The following MGAT4C variants were observed in gnomAD, a reference collection of about 807,000 sequenced individuals.
The protein encoded by MGAT4C is MGAT4 family member C.
In MGAT4C, 19 loss-of-function variants were observed where a neutral mutation model predicts 40.1. That is an observed-to-expected ratio of 0.47 (90% CI 0.33 to 0.70). The LOEUF (loss-of-function observed/expected upper bound fraction) is 0.70, where lower values mean the gene tolerates loss of function less well. Among genes scored for constraint, MGAT4C ranks in the 30% least tolerant of loss-of-function variants. MGAT4C has a pLI of 0.02. For synonymous variants in MGAT4C, 181 were observed against 187.1 expected (o/e 0.97, Z 0.27); for missense variants, 491 against 563.2 (o/e 0.87, Z 1.30).
chr12:86,539,908 A>AGTTCCAGTATTAGCCCTTTGTC (rs1293999860), intron 2 of MGAT4C, among the ~76,000 whole-genome samples: 11 of 152,234 alleles, frequency 7.2e-5, no homozygotes, highest in Non-Finnish European at 1.3e-4. Flanking sequence ...AGTTCTTTGT[A>AGTTCCAGTATTAGCCCTTTGTC]GTTCCAGTAT....
chr12:86,027,872 C>T (rs1012664193), intron 2 of MGAT4C, among the ~76,000 whole-genome samples: 5 of 151,722 alleles, frequency 3.3e-5, no homozygotes, highest in Non-Finnish European at 4.4e-5. Context: ...GATGATCCAT[C>T]ATTTCATTTT....
intron 2 of MGAT4C, among the ~76,000 whole-genome samples, chr12:86,451,002 T>C (rs1011222116): frequency 6.6e-6 from 1 of 152,162 alleles, no homozygotes; most frequent in Non-Finnish European, 1.5e-5. Context: ...GAGTCAGCTA[T>C]ATCAGTCTTA....
chr12:86,667,413 C>A (rs1964138537), intron 2 of MGAT4C, among the ~76,000 whole-genome samples: 1 of 152,030 alleles, frequency 6.6e-6, no homozygotes, highest in South Asian at 2.1e-4. Context: ...GAAATACAGA[C>A]CTAGATGGAA....
intron 1 of MGAT4C, among the ~76,000 whole-genome samples, chr12:86,150,494 A>G (rs1357595644): frequency 2.0e-5 from 3 of 152,198 alleles, no homozygotes; most frequent in African/African-American, 4.8e-5. Flanking sequence ...GTTTGCATAC[A>G]TGCTTTTTGC....
chr12:86,692,120 A>G (rs1950183559), intron 2 of MGAT4C, among the ~76,000 whole-genome samples: 1 of 152,162 alleles, frequency 6.6e-6, no homozygotes, highest in African/African-American at 2.4e-5. Flanking sequence ...AGAAAAGATT[A>G]TTAAAGGTAT....
At chr12:86,767,914 T>C (rs1251933168) in intron 1 of MGAT4C, among the ~76,000 whole-genome samples, 1 of 152,324 alleles carries the variant, frequency 6.6e-6, no homozygotes, top group East Asian at 1.9e-4. Context: ...AATATCATAT[T>C]GAATGGGCAA....
intron 2 of MGAT4C, among the ~76,000 whole-genome samples, chr12:86,590,144 A>G (rs1382802065): frequency 6.6e-6 from 1 of 151,892 alleles, no homozygotes; most frequent in Non-Finnish European, 1.5e-5. Flanking sequence ...GAATACATGC[A>G]TTTCACACCA....
rs80170634 is a variant in MGAT4C at position 85,982,720 on chromosome 12, G to A, written c.295+803C>T. Among the ~76,000 whole-genome samples the A allele has an allele frequency of 1.3e-3, 195 of 152,184 alleles. 5 individuals carry two copies. The East Asian group carries it at 0.028, about 22-fold the overall frequency. ...TGAATAGTTTCCTCCAAAAATTCAT[G>A]TCTACTTGGAACCTCAGAATGTAAT... On this transcript the variant is annotated intron_variant, in intron 4 of 4. Coordinates refer to ENST00000611864, the MANE Select transcript of MGAT4C (RefSeq NM_001351288.2).
chr12:86,211,979 C>A (rs1461115083), intron 1 of MGAT4C, among the ~76,000 whole-genome samples: 1 of 152,082 alleles, frequency 6.6e-6, no homozygotes, highest in Non-Finnish European at 1.5e-5. Context: ...ATTCCAGGTG[C>A]CTTTTTAGAG....
intron 2 of MGAT4C, among the ~76,000 whole-genome samples, chr12:86,697,370 A>G (rs1950277151): frequency 6.6e-6 from 1 of 152,032 alleles, no homozygotes. Context: ...CAGCTAGGGA[A>G]TCGTAGATAG....
intron 2 of MGAT4C, among the ~76,000 whole-genome samples, chr12:86,569,889 A>C (rs1592997083): frequency 6.6e-6 from 1 of 152,290 alleles, no homozygotes; most frequent in Middle Eastern, 3.4e-3. Flanking sequence ...ACTACCTAAG[A>C]CTATCTAAGA....
intron 1 of MGAT4C, among the ~76,000 whole-genome samples, chr12:86,080,126 A>G (rs996247233): frequency 6.6e-6 from 1 of 151,996 alleles, no homozygotes; most frequent in Non-Finnish European, 1.5e-5. Flanking sequence ...CTGCCATGCC[A>G]TCTGTTTATC....
chr12:86,162,007 T>C (rs1566072329), intron 1 of MGAT4C, among the ~76,000 whole-genome samples: 1 of 152,114 alleles, frequency 6.6e-6, no homozygotes, highest in Non-Finnish European at 1.5e-5. Flanking sequence ...GAGATGCTGG[T>C]GAGGCTGCAG....
rs895051050 is a variant in MGAT4C, at chr12:86,594,821, G to A, written c.-229+132388C>T. On this transcript the variant is annotated intron_variant, in intron 2 of 7. Transcript: ENST00000548651. ...TTGGTTACAACAAAATTGGTTATTT[G>A]GTTACAGAGCTTCCTGCAATTACCT... 7.2e-5 allele frequency among the ~76,000 whole-genome samples: 11 copies of A among 152,122 alleles called. No individual in the cohort carries two copies. In the East Asian group the frequency reaches 1.9e-3, roughly 27 times the overall value.
chr12:86,503,224 C>CAT (rs1244622760), intron 2 of MGAT4C, among the ~76,000 whole-genome samples: 1 of 13,380 alleles, frequency 7.5e-5, no homozygotes, highest in Non-Finnish European at 1.1e-4. Context: ...GAGTTCTGCT[C>CAT]ATATATATAT....
chr12:86,657,353 A>G (rs1480616995), intron 2 of MGAT4C, among the ~76,000 whole-genome samples: 1 of 151,892 alleles, frequency 6.6e-6, no homozygotes, highest in African/African-American at 2.4e-5. Flanking sequence ...CCATAGGGAG[A>G]AATGCTCTTT....
At chr12:86,377,247 T>G (rs530796758) in intron 3 of MGAT4C, among the ~76,000 whole-genome samples, 1 of 151,542 alleles carries the variant, frequency 6.6e-6, no homozygotes, top group Non-Finnish European at 1.5e-5. Context: ...TTAGTAGAGA[T>G]AGGATTTCTC....
chr12:86,764,157 C>A lies in MGAT4C; in HGVS notation c.-261-36916G>T, dbSNP rs112350131. Among the ~76,000 whole-genome samples the A allele has an allele frequency of 8.1e-4, 124 of 152,266 alleles. 3 individuals are homozygous for A. Among genetic ancestry groups the A allele is most frequent in the African/African-American group, 1.8e-3 (74 of 41,558 alleles). ...CACCTGGAAAATCAGGTCATTCCCA[C>A]CCGAATACTGTGCTTTTCTGAGAGG... On this transcript the variant is annotated intron_variant, in intron 1 of 7. Transcript: ENST00000548651.
intron 2 of MGAT4C, among the ~76,000 whole-genome samples, chr12:86,461,106 T>A (rs1406321645): frequency 6.6e-6 from 1 of 152,154 alleles, no homozygotes; most frequent in East Asian, 1.9e-4. Context: ...CAAGTGTTTA[T>A]CATGGGAATA....
Sources: allele counts gnomAD v4.1 joint callset (sites outside exome capture counted in the v4.1 genomes callset), GRCh38; gene constraint gnomAD v4.1.1; transcripts MANE v1.5; gene names NCBI Gene and HGNC (gene_info 2026-07-23, HGNC 2026-07-21).